Variants in NISCH observed in about 807,000 individuals in gnomAD.
NISCH encodes nischarin.
NISCH carries 55 observed loss-of-function variants against 138.4 expected under a neutral mutation model. The observed-to-expected ratio is 0.40, with a 90% confidence interval of 0.32 to 0.50. NISCH has a LOEUF of 0.50. Ranked by LOEUF, NISCH falls within the 20% of genes least tolerant of loss-of-function variation. The probability of loss-of-function intolerance (pLI) is 0.71; values close to 1 mark genes in which losing one functional copy is unlikely to be tolerated. For missense variants in NISCH, 1,643 were observed against 2,005.5 expected (o/e 0.82, Z 3.45); for synonymous variants, 860 against 861.5 (o/e 1.00, Z 0.03).
At chr3:52,491,302 AG>A in intron 19 of NISCH, 49 bp from the exon 20 acceptor site, 2 of 1,571,198 alleles carry the variant, frequency 1.3e-6, no homozygotes, top group South Asian at 1.2e-5. Flanking sequence ...GGGCAGGGAT[AG>A]GGCTGGGGAG....
rs1409453785 is a variant in NISCH at position 52,480,023 on chromosome 3, T to C, written c.1416+161T>C. The C allele has an allele frequency of 5.2e-6, 5 of 966,376 alleles. No homozygotes were observed. The East Asian group carries it at 1.3e-4, about 25-fold the overall frequency. The allele number at this position is 966,376 out of a possible 1,614,324, so 59.9% of individuals were successfully genotyped here. A position where few individuals can be genotyped will look rare whatever the true frequency, so the allele number is the denominator to read the frequency against. On this transcript the variant is annotated intron_variant, in intron 12 of 20. Transcript: ENST00000345716. ...GGCAAGTCGCGGCCTCTCTGTTCTC[T>C]GTGGGGTGGGGACAGTGGTAGTTCC...
chr3:52,481,469 C>T (rs1707270012), intron 13 of NISCH: 1 of 985,546 alleles, frequency 1.0e-6, no homozygotes, highest in Non-Finnish European at 1.2e-6. Flanking sequence ...CATTTTATTA[C>T]ATAAAAGCCA....
intron 3 of NISCH, among the ~76,000 whole-genome samples, chr3:52,463,011 G>T (rs1026684796): frequency 6.6e-6 from 1 of 152,196 alleles, no homozygotes; most frequent in Non-Finnish European, 1.5e-5. Context: ...CAATTCAGTA[G>T]TTTTTAGTAT....
chr3:52,480,908 G>A (rs1425394863), intron 13 of NISCH: 8 of 1,534,698 alleles, frequency 5.2e-6, no homozygotes, highest in Non-Finnish European at 7.0e-6. Context: ...AGTGAAGCAG[G>A]TCTCATGAGC....
chr3:52,476,282 C>A, intron 7 of NISCH, 165 bp from the exon 8 acceptor site: 1 of 708,708 alleles, frequency 1.4e-6, no homozygotes, highest in Non-Finnish European at 2.4e-6. Flanking sequence ...TGAACGATTT[C>A]ACAATCGTTT....
Position 52,488,325 on chromosome 3 carries a change from C to T in NISCH, c.2833C>T (p.Arg945Cys), listed in dbSNP as rs1707464451. 6.2e-7 allele frequency: 1 copy of T among 1,612,676 alleles called. No homozygotes were observed. Among genetic ancestry groups the T allele is most frequent in the Non-Finnish European group, 8.5e-7 (1 of 1,180,008 alleles). Reference protein sequence around the residue: ...CRNRNSFKLSRVPLSTVLLDP... With the variant: ...CRNRNSFKLSCVPLSTVLLDP... ...CAACCGCAACAGCTTCAAGCTCAGCCGTGTGCCGCTCTCCACCGTGCTGCT... is the reference window on the plus strand; with the variant it reads ...CAACCGCAACAGCTTCAAGCTCAGCTGTGTGCCGCTCTCCACCGTGCTGCT... Residue 945 changes from arginine (R) to cysteine (C), a missense_variant, in exon 16 of 21, where the codon CGT (arginine) becomes TGT (cysteine). Coordinates refer to ENST00000345716, the MANE Select transcript of NISCH (RefSeq NM_007184.4).
At chr3:52,477,879 G>C (rs1457181567) in intron 9 of NISCH, 1 of 632,708 alleles carries the variant, frequency 1.6e-6, no homozygotes, top group Non-Finnish European at 2.8e-6. Flanking sequence ...AAGGTGGACA[G>C]CCATGTTTTC....
rs762520601 is a variant in NISCH, at chr3:52,458,715, T to C, written c.231T>C (p.Ile77=). The C allele has an allele frequency of 1.2e-6, 2 of 1,613,862 alleles. No homozygotes were observed. Among genetic ancestry groups the C allele is most frequent in the African/African-American group, 1.3e-5 (1 of 74,976 alleles). The change falls in exon 3 of 21, where the codon ATT becomes ATC. Residue 77 remains isoleucine, a synonymous_variant. Coordinates refer to ENST00000345716, the MANE Select transcript of NISCH (RefSeq NM_007184.4). Reference sequence around the variant, plus strand: ...ATCTGCTTCCGCCCAAAAAGATAATTGGGAAAAACTCAAGAAGCTTGGTGG... The same window carrying C: ...ATCTGCTTCCGCCCAAAAAGATAATCGGGAAAAACTCAAGAAGCTTGGTGG... ...DKNLLPPKKI[I]GKNSRSLVEK... is the part of the protein sequence containing the mutation.
intron 13 of NISCH, chr3:52,480,932 C>T (rs764390514): frequency 6.7e-5 from 103 of 1,530,452 alleles, no homozygotes; most frequent in Non-Finnish European, 7.9e-5. Context: ...TCTGCTGGCC[C>T]GGCCCCCACG....
chr3:52,484,682 G>C (rs772154644), intron 14 of NISCH, 45 bp downstream of exon 14: 5 of 1,609,774 alleles, frequency 3.1e-6, no homozygotes, highest in Non-Finnish European at 8.5e-7. Context: ...TCTGTGGGTG[G>C]ACTCTTCTGC....
intron 20 of NISCH, 111 bp downstream of exon 20, chr3:52,491,624 C>T (rs1707568215): frequency 7.7e-7 from 1 of 1,298,396 alleles, no homozygotes; most frequent in Non-Finnish European, 1.0e-6. Flanking sequence ...TCTCTTTTCT[C>T]ACTTAGCTGG....
Position 52,488,206 on chromosome 3 carries a change from C to T in NISCH, c.2714C>T (p.Ala905Val), listed in dbSNP as rs572652633. ...CAPSEAVKSA[A>V]IPYWLLLTPQ... Reference sequence around the variant, plus strand: ...CCCTCTGAGGCCGTCAAGTCCGCCGCCATCCCCTACTGGCTGTTGCTCACG... The same window carrying T: ...CCCTCTGAGGCCGTCAAGTCCGCCGTCATCCCCTACTGGCTGTTGCTCACG... The change falls in exon 16 of 21, where the codon GCC (alanine) becomes GTC (valine). Residue 905 changes from alanine to valine, a missense_variant. Transcript: ENST00000345716. The T allele has an allele frequency of 3.7e-6, 6 of 1,613,152 alleles. No homozygotes were observed. Among genetic ancestry groups the T allele is most frequent in the African/African-American group, 1.3e-5 (1 of 75,050 alleles).
intron 12 of NISCH, 74 bp downstream of exon 12, chr3:52,479,936 G>A: frequency 1.6e-6 from 2 of 1,237,562 alleles, no homozygotes; most frequent in Non-Finnish European, 2.3e-6. Context: ...GGGGGCTTGG[G>A]CCATGGGACT....
rs1016305103 is a variant in NISCH at position 52,471,878 on chromosome 3, G to A, written c.474G>A (p.Thr158=). The A allele has an allele frequency of 8.1e-6, 13 of 1,613,528 alleles. No homozygotes were observed. The highest frequency in any genetic ancestry group is 1.7e-5 in the Admixed American group (1 of 59,978). Reference sequence around the variant, plus strand: ...GACCCCTGCAGCTGTATGCCGTCACGGAGCAGCTGCAGCAGGGAAAGCCCA... The same window carrying A: ...GACCCCTGCAGCTGTATGCCGTCACAGAGCAGCTGCAGCAGGGAAAGCCCA... ...AIGPLQLYAV[T]EQLQQGKPTC... Residue 158 remains threonine, a synonymous_variant, in exon 5 of 21, where the codon ACG becomes ACA. Transcript: ENST00000345716.
rs1051482148 is a variant in NISCH at position 52,461,604 on chromosome 3, C to G, written c.360+2760C>G. On this transcript the variant is annotated intron_variant, in intron 3 of 20. Transcript: ENST00000345716. ...AAAGGCCGGGCGCAGTGGCTCACGCCTGTAATCCCAGCACTTTGGGAGGCC... is the reference window on the plus strand; with the variant it reads ...AAAGGCCGGGCGCAGTGGCTCACGCGTGTAATCCCAGCACTTTGGGAGGCC... Among the ~76,000 whole-genome samples the G allele has an allele frequency of 2.0e-5, 3 of 152,324 alleles. 1 individual carries two copies. The highest frequency in any genetic ancestry group is 4.1e-4 in the South Asian group (2 of 4,826).
chr3:52,489,344 A>G lies in NISCH; in HGVS notation c.3122A>G (p.Gln1041Arg), dbSNP rs538205578. Reference protein sequence around the residue: ...QPAERRASNDQRPQEVPAEAL... With the variant: ...QPAERRASNDRRPQEVPAEAL... ...TTTTTCGGGGGATACAGCAATGACC[A>G]GCGTCCCCAGGAGGTCCCAGCAGAG... The change falls in exon 17 of 21, where the codon CAG (glutamine) becomes CGG (arginine). Residue 1041 changes from glutamine to arginine, a missense_variant. Coordinates refer to ENST00000345716, the MANE Select transcript of NISCH (RefSeq NM_007184.4). 5 of 1,611,796 alleles carry G rather than the reference A, an allele frequency of 3.1e-6. No homozygotes were observed. The African/African-American group carries it at 4.0e-5, about 13-fold the overall frequency.
chr3:52,456,698 A>G (rs1036555608), intron 1 of NISCH, among the ~76,000 whole-genome samples: 1 of 152,138 alleles, frequency 6.6e-6, no homozygotes, highest in Non-Finnish European at 1.5e-5. Context: ...CCTTTCCTGA[A>G]GGCAAGGGGA....
chr3:52,485,936 G>A, intron 15 of NISCH, 109 bp downstream of exon 15: 1 of 978,578 alleles, frequency 1.0e-6, no homozygotes, highest in Non-Finnish European at 1.6e-6. Context: ...TCCGTTCACA[G>A]AAGGCCTATA....
chr3:52,491,269 T>A, intron 19 of NISCH, 83 bp from the exon 20 acceptor site: 1 of 1,514,188 alleles, frequency 6.6e-7, no homozygotes, highest in Non-Finnish European at 8.8e-7. Context: ...TGAGGCTTGC[T>A]AGGGACTCGG....
Sources: gnomAD v4.1 joint callset for allele counts (sites outside exome capture counted in the v4.1 genomes callset) on GRCh38, gnomAD v4.1.1 for gene constraint, MANE v1.5 for transcripts, NCBI Gene and HGNC (gene_info 2026-07-23, HGNC 2026-07-21) for gene names.